Variants in TRMT11 observed in about 807,000 individuals in gnomAD.
The protein encoded by TRMT11 is tRNA methyltransferase 11, also known as tRNA (guanine(10)-N(2))-methyltransferase TRMT11.
Under a neutral mutation model 62.8 loss-of-function variants are expected in TRMT11, and 53 were observed. The observed-to-expected ratio is 0.84, with a 90% CI of 0.68 to 1.06. The LOEUF is 1.06. Ranked by LOEUF, TRMT11 falls within the 50% of genes least tolerant of loss-of-function variation. The probability of loss-of-function intolerance (pLI) is 0.00; values close to 1 mark genes in which losing one functional copy is unlikely to be tolerated. For synonymous variants in TRMT11, 188 were observed against 190.3 expected (o/e 0.99, Z 0.10); for missense variants, 556 against 553.4 (o/e 1.00, Z -0.05).
intron 21 of TRMT11, among the ~76,000 whole-genome samples, chr6:126,170,154 GT>G (rs1198557333): frequency 1.3e-5 from 2 of 151,384 alleles, no homozygotes; most frequent in Non-Finnish European, 2.9e-5. Context: ...ATTTTCTATT[GT>G]TTCATTTTTT....
chr6:126,265,116 A>T, the TRMT11 span, among the ~76,000 whole-genome samples: 1 of 152,282 alleles, frequency 6.6e-6, no homozygotes, highest in South Asian at 2.1e-4. Context: ...ATATACACAC[A>T]TGCACACCTG....
chr6:126,225,892 G>C, the TRMT11 span, among the ~76,000 whole-genome samples: 1 of 151,736 alleles, frequency 6.6e-6, no homozygotes, highest in Non-Finnish European at 1.5e-5. Context: ...GTTTCACCAC[G>C]TTAGCCAGAG....
At chr6:126,078,425 G>A (rs1777082390) in intron 17 of TRMT11, among the ~76,000 whole-genome samples, 1 of 151,348 alleles carries the variant, frequency 6.6e-6, no homozygotes, top group Admixed American at 6.6e-5. Flanking sequence ...TTGGACTCAG[G>A]CATTTTTTTT....
chr6:126,187,667 C>A (rs979886218), intron 1 of TRMT11, among the ~76,000 whole-genome samples: 3 of 151,840 alleles, frequency 2.0e-5, no homozygotes, highest in Admixed American at 1.3e-4. Flanking sequence ...ATAGCCAAAG[C>A]AATCTTGGAA....
chr6:126,101,937 T>C (rs11965210), intron 17 of TRMT11, among the ~76,000 whole-genome samples: 6,307 of 152,352 alleles, frequency 0.041, 417 homozygotes, highest in African/African-American at 0.14. Context: ...CTGGGACTTA[T>C]GTTCCAGTGT....
chr6:126,054,064 C>G (rs748516568), intron 17 of TRMT11, among the ~76,000 whole-genome samples: 1 of 152,208 alleles, frequency 6.6e-6, no homozygotes, highest in Non-Finnish European at 1.5e-5. Flanking sequence ...AGGACTCATA[C>G]GCCCTGCTGC....
intron 17 of TRMT11, among the ~76,000 whole-genome samples, chr6:126,099,169 A>C (rs1191279560): frequency 6.6e-6 from 1 of 152,162 alleles, no homozygotes; most frequent in African/African-American, 2.4e-5. Context: ...ATTTATATAG[A>C]ATTGTATACT....
intron 1 of TRMT11, among the ~76,000 whole-genome samples, chr6:126,193,410 A>T (rs143143428): frequency 6.7e-6 from 1 of 148,440 alleles, no homozygotes; most frequent in Non-Finnish European, 1.5e-5. Context: ...CTTTCCTTCT[A>T]CTAACCATTA....
the TRMT11 span, among the ~76,000 whole-genome samples, chr6:126,232,647 C>T: frequency 2.6e-5 from 4 of 152,136 alleles, no homozygotes; most frequent in Admixed American, 6.6e-5. Flanking sequence ...GAAGCAACTG[C>T]GTCTGTTTCT....
intron 12 of TRMT11, among the ~76,000 whole-genome samples, chr6:126,027,552 GA>G (rs1773415223): frequency 6.6e-6 from 1 of 152,156 alleles, no homozygotes; most frequent in Admixed American, 6.5e-5. Flanking sequence ...CTAGTGGTTT[GA>G]GAAGTTTTGA....
chr6:126,211,912 C>T, the TRMT11 span, among the ~76,000 whole-genome samples: 5 of 152,098 alleles, frequency 3.3e-5, no homozygotes, highest in Admixed American at 6.6e-5. Flanking sequence ...TAACCATCCT[C>T]TCTTTACTCC....
chr6:126,035,176 G>A (rs896978275), intron 12 of TRMT11, among the ~76,000 whole-genome samples: 3 of 152,056 alleles, frequency 2.0e-5, no homozygotes, highest in Non-Finnish European at 2.9e-5. Context: ...TAGATATGTG[G>A]TATTTATATG....
the TRMT11 span, among the ~76,000 whole-genome samples, chr6:126,257,339 G>T: frequency 2.0e-5 from 3 of 151,974 alleles, no homozygotes; most frequent in Non-Finnish European, 4.4e-5. Flanking sequence ...TTGCATCCAT[G>T]GGATGAATCT....
At chr6:126,058,853 A>G (rs534625074) in intron 17 of TRMT11, among the ~76,000 whole-genome samples, 1 of 152,138 alleles carries the variant, frequency 6.6e-6, no homozygotes, top group East Asian at 1.9e-4. Context: ...GGACATATAC[A>G]TCCCCAGTGG....
At chr6:126,016,651 T>C (rs969674246) in intron 11 of TRMT11, among the ~76,000 whole-genome samples, 13 of 151,984 alleles carry the variant, frequency 8.6e-5, no homozygotes, top group Non-Finnish European at 1.6e-4. Flanking sequence ...TCCAAATACA[T>C]ATAACCAAAG....
chr6:126,175,944 G>C (rs1010725369), upstream of TRMT11, among the ~76,000 whole-genome samples: 5 of 152,102 alleles, frequency 3.3e-5, no homozygotes, highest in Non-Finnish European at 5.9e-5. Context: ...AAGACACCCT[G>C]GGTCTCCTTT....
chr6:126,118,500 A>G (rs896355406), intron 21 of TRMT11, among the ~76,000 whole-genome samples: 1 of 152,146 alleles, frequency 6.6e-6, no homozygotes, highest in Non-Finnish European at 1.5e-5. Flanking sequence ...TGCTATGGTT[A>G]CCAATGTTTC....
downstream of TRMT11, among the ~76,000 whole-genome samples, chr6:126,042,250 G>A (rs186539796): frequency 4.6e-5 from 7 of 152,298 alleles, no homozygotes; most frequent in Admixed American, 1.3e-4. Context: ...TAGGGAACCT[G>A]ACCCCTTTCC....
intron 17 of TRMT11, among the ~76,000 whole-genome samples, chr6:126,098,657 C>G (rs73773355): frequency 4.6e-5 from 7 of 152,096 alleles, no homozygotes; most frequent in African/African-American, 1.4e-4. Flanking sequence ...ATGAGATTGG[C>G]GGGGGATGAG....
Sources: gnomAD v4.1 joint callset for allele counts (sites outside exome capture counted in the v4.1 genomes callset) on GRCh38, gnomAD v4.1.1 for gene constraint, MANE v1.5 for transcripts, NCBI Gene and HGNC (gene_info 2026-07-23, HGNC 2026-07-21) for gene names.